Variants in MRC2 observed in about 807,000 individuals in gnomAD.
The protein encoded by MRC2 is C-type mannose receptor 2.
In MRC2, 84 loss-of-function variants were observed where a neutral mutation model predicts 206.2. The ratio of observed to expected loss-of-function variants is 0.41; its 90% confidence interval spans 0.34 to 0.49. The LOEUF (loss-of-function observed/expected upper bound fraction) is 0.49, where lower values mean the gene tolerates loss of function less well. Ranked by LOEUF, MRC2 falls within the 20% of genes least tolerant of loss-of-function variation. The probability of loss-of-function intolerance (pLI) is 0.31; values close to 1 mark genes in which losing one functional copy is unlikely to be tolerated. For synonymous variants in MRC2, 798 were observed against 800.0 expected (o/e 1.00, Z 0.04); for missense variants, 1,676 against 2,001.5 (o/e 0.84, Z 3.10).
At chr17:62,674,873 C>G (rs914663119) in intron 9 of MRC2, among the ~76,000 whole-genome samples, 1 of 152,102 alleles carries the variant, frequency 6.6e-6, no homozygotes, top group South Asian at 2.1e-4. Flanking sequence ...CTTGGCCCCC[C>G]CCAGCAGCCC....
At chr17:62,632,649 T>C (rs1397859867) in intron 1 of MRC2, among the ~76,000 whole-genome samples, 1 of 152,108 alleles carries the variant, frequency 6.6e-6, no homozygotes, top group African/African-American at 2.4e-5. Context: ...TGACCCTTCC[T>C]TCGAGACTCA....
At position 62,633,532 on chromosome 17, in the gene MRC2, T is replaced by A. The variant is rs563035256; in HGVS notation, c.118+5612T>A. Among the ~76,000 whole-genome samples the A allele has an allele frequency of 7.0e-5, 10 of 142,338 alleles. No individual in the cohort carries two copies. In the East Asian group the frequency reaches 1.2e-3, roughly 18 times the overall value. The allele number at this position is 142,338 out of a possible 152,430, so 93.4% of individuals were successfully genotyped here. On this transcript the variant is annotated intron_variant, in intron 1 of 29. Coordinates refer to ENST00000303375, the MANE Select transcript of MRC2 (RefSeq NM_006039.5). ...AAAAAAAAAAAAAAAAGAGAAAACATGACTATCAAGGTTCCCAAATATGAT... is the reference window on the plus strand; with the variant it reads ...AAAAAAAAAAAAAAAAGAGAAAACAAGACTATCAAGGTTCCCAAATATGAT...
At chr17:62,689,161 G>A (rs963759402) in intron 23 of MRC2, among the ~76,000 whole-genome samples, 15 of 152,212 alleles carry the variant, frequency 9.9e-5, no homozygotes, top group African/African-American at 3.6e-4. Context: ...TTGGGGGTAT[G>A]GAGGGCTCGT....
At chr17:62,679,608 T>C (rs2088935164) in intron 13 of MRC2, 192 bp from the exon 14 acceptor site, 3 of 505,028 alleles carry the variant, frequency 5.9e-6, no homozygotes, top group Non-Finnish European at 1.1e-5. Flanking sequence ...TCTCCCCAGC[T>C]CTGTCTTGTG....
intron 1 of MRC2, among the ~76,000 whole-genome samples, chr17:62,635,032 T>C (rs2088294948): frequency 1.3e-5 from 2 of 151,998 alleles, no homozygotes; most frequent in Non-Finnish European, 2.9e-5. Context: ...GGTTTTACCA[T>C]GTTGGCCAGA....
chr17:62,666,057 A>G lies in MRC2; in HGVS notation c.521-37A>G. 6.4e-7 allele frequency: 1 copy of G among 1,550,566 alleles called. No homozygotes were observed. The highest frequency in any genetic ancestry group is 8.7e-7 in the Non-Finnish European group (1 of 1,148,216). On this transcript the variant is annotated intron_variant, in intron 2 of 29. Coordinates refer to ENST00000303375, the MANE Select transcript of MRC2 (RefSeq NM_006039.5). This position sits in a 1 kb window ranked among gnomAD's most constrained non-coding sequence, Gnocchi z 5.0. ...AGGGGCTTGGCAGCCTCTGGTGTCC[A>G]GATGCCAAGGGCCTGGCCCCTGTCC... is the stretch of plus-strand genomic sequence containing the variant.
At position 62,666,486 on chromosome 17, in the gene MRC2, C is replaced by A; in HGVS notation, c.726C>A (p.Asp242Glu). Residue 242 changes from aspartate (D) to glutamate (E), a missense_variant, in exon 4 of 30, where the codon GAC becomes GAA. By Grantham distance (45) the Asp-to-Glu change is conservative. This residue lies in a region of MRC2 where 318 missense variants were observed against 346.7 expected (regional missense o/e 0.92). Transcript: ENST00000303375. This position sits in a 1 kb window ranked among gnomAD's most constrained non-coding sequence, Gnocchi z 5.0. ...ACTGCGAGACCTTCTGGGACAAGGA[C>A]CAGCTGACTGACAGCTGCTACCAGT... ...SNDCETFWDK[D>E]QLTDSCYQFN... 1 of 1,614,026 alleles carries A rather than the reference C, an allele frequency of 6.2e-7. No individual in the cohort carries two copies. Among genetic ancestry groups the A allele is most frequent in the African/African-American group, 1.3e-5 (1 of 75,054 alleles).
chr17:62,647,823 A>G (rs1472360646), intron 1 of MRC2, among the ~76,000 whole-genome samples: 3 of 152,174 alleles, frequency 2.0e-5, no homozygotes, highest in Non-Finnish European at 2.9e-5. Flanking sequence ...TACTCCCATG[A>G]GCTCCCTTTG....
chr17:62,681,960 G>C, intron 19 of MRC2, 23 bp downstream of exon 19: 1 of 1,601,476 alleles, frequency 6.2e-7, no homozygotes. Flanking sequence ...TGGGGGCAGA[G>C]TGCGCAGTCA....
chr17:62,645,439 G>T (rs1031648497), intron 1 of MRC2, among the ~76,000 whole-genome samples: 2 of 132,616 alleles, frequency 1.5e-5, no homozygotes, highest in Admixed American at 8.3e-5. Context: ...ATATACACAC[G>T]TATATAATAT....
chr17:62,666,198 G>A lies in MRC2; in HGVS notation c.625G>A (p.Gly209Ser), dbSNP rs750899491. Reference sequence around the variant, plus strand: ...CTGCACCAGCACGGGCCGCGAGGATGGTCACCTGTGGTGTGCCACCACCCA... The same window carrying A: ...CTGCACCAGCACGGGCCGCGAGGATAGTCACCTGTGGTGTGCCACCACCCA... ...HGCTSTGRED[G>S]HLWCATTQDY... Residue 209 changes from glycine to serine, a missense_variant, in exon 3 of 30, where the codon GGT (glycine) becomes AGT (serine). By Grantham distance (56) the Gly-to-Ser change is moderately conservative. This residue lies in a region of MRC2 where 318 missense variants were observed against 346.7 expected (regional missense o/e 0.92). Coordinates refer to ENST00000303375, the MANE Select transcript of MRC2 (RefSeq NM_006039.5). The surrounding 1 kb of genome is among the most constrained non-coding windows in gnomAD (Gnocchi z 5.0). 6.2e-7 allele frequency: 1 copy of A among 1,603,716 alleles called. No homozygotes were observed. Among genetic ancestry groups the A allele is most frequent in the Non-Finnish European group, 8.5e-7 (1 of 1,175,324 alleles).
Position 62,682,276 on chromosome 17 carries a change from A to G in MRC2, c.2845A>G (p.Ile949Val), listed in dbSNP as rs777376967. Residue 949 changes from isoleucine (I) to valine (V), a missense_variant, in exon 20 of 30, where the codon ATC becomes GTC. Transcript: ENST00000303375. Reference sequence around the variant, plus strand: ...GAGGTGCCTGACAGCCTTGCCCTACATCTGCAAGCGCAGCAACGTCACCAA... The same window carrying G: ...GAGGTGCCTGACAGCCTTGCCCTACGTCTGCAAGCGCAGCAACGTCACCAA... ...DQRCLTALPYICKRSNVTKET... is the reference protein window; with the variant it reads ...DQRCLTALPYVCKRSNVTKET... 15 of 1,603,948 alleles carry G rather than the reference A, an allele frequency of 9.4e-6. No homozygotes were observed. In the East Asian group the frequency reaches 3.1e-4, roughly 34 times the overall value.
chr17:62,650,420 C>G (rs1375322516), intron 1 of MRC2, among the ~76,000 whole-genome samples: 1 of 152,182 alleles, frequency 6.6e-6, no homozygotes, highest in Non-Finnish European at 1.5e-5. Flanking sequence ...CATGCTGCCT[C>G]GACTGGAAAT....
chr17:62,672,748 T>C lies in MRC2; in HGVS notation c.1461+596T>C, dbSNP rs555795893. 1.3e-5 allele frequency among the ~76,000 whole-genome samples: 2 copies of C among 152,226 alleles called. No homozygotes were observed. Among genetic ancestry groups the C allele is most frequent in the Non-Finnish European group, 2.9e-5 (2 of 68,028 alleles). ...GGCTCATGCCTATAATCCCAGCACA[T>C]TGGGAGGCTGAGGCAGGCGGATCAC... On this transcript the variant is annotated intron_variant, in intron 8 of 29. Coordinates refer to ENST00000303375, the MANE Select transcript of MRC2 (RefSeq NM_006039.5). This position sits in a 1 kb window ranked among gnomAD's most constrained non-coding sequence, Gnocchi z 4.5.
chr17:62,672,068 C>T lies in MRC2; in HGVS notation c.1377C>T (p.Ser459=). The T allele has an allele frequency of 1.9e-6, 3 of 1,614,120 alleles. No individual in the cohort carries two copies. Among genetic ancestry groups the T allele is most frequent in the Non-Finnish European group, 2.5e-6 (3 of 1,180,032 alleles). Residue 459 remains serine, a synonymous_variant, in exon 8 of 30, where the codon AGC becomes AGT. Transcript: ENST00000303375. The surrounding 1 kb of genome is among the most constrained non-coding windows in gnomAD (Gnocchi z 4.5). ...TGAATTTTGAGTGGTCTGACGGGAGCCTTGTGAGCTTCACCCACTGGCACC... is the reference window on the plus strand; with the variant it reads ...TGAATTTTGAGTGGTCTGACGGGAGTCTTGTGAGCTTCACCCACTGGCACC... ...LQMNFEWSDG[S]LVSFTHWHPF...
intron 1 of MRC2, among the ~76,000 whole-genome samples, chr17:62,655,243 T>G (rs1388444928): frequency 1.9e-4 from 25 of 132,266 alleles, no homozygotes; most frequent in Middle Eastern, 5.0e-3. Context: ...TGGAGATCGC[T>G]CCACTGCACT....
intron 1 of MRC2, among the ~76,000 whole-genome samples, chr17:62,660,153 C>T (rs2088663653): frequency 6.6e-6 from 1 of 152,104 alleles, no homozygotes; most frequent in African/African-American, 2.4e-5. Flanking sequence ...CAATTAAAAC[C>T]AGACAGAGGT....
At position 62,627,934 on chromosome 17, in the gene MRC2, A is replaced by G. The variant is rs752637533; in HGVS notation, c.118+14A>G. On this transcript the variant is annotated intron_variant, in intron 1 of 29. Coordinates refer to ENST00000303375, the MANE Select transcript of MRC2 (RefSeq NM_006039.5). ...CCGCCCTCCCGGGTAAGGCGCTGCC[A>G]ACTTGGCCAACTTCAGGGCCCGGGC... 3 of 1,412,392 alleles carry G rather than the reference A, an allele frequency of 2.1e-6. No individual in the cohort carries two copies. Among genetic ancestry groups the G allele is most frequent in the South Asian group, 3.0e-5 (2 of 67,114 alleles). The allele number at this position is 1,412,392 out of a possible 1,614,324, so 87.5% of individuals were successfully genotyped here.
Position 62,671,553 on chromosome 17 carries a change from A to C in MRC2, c.1118-96A>C. 1 of 1,142,216 alleles carries C rather than the reference A, an allele frequency of 8.8e-7. No individual in the cohort carries two copies. Among genetic ancestry groups the C allele is most frequent in the South Asian group, 1.8e-5 (1 of 56,324 alleles). 70.8% of individuals were successfully genotyped at this position (1,142,216 alleles called of 1,614,324 possible). A position where few individuals can be genotyped will look rare whatever the true frequency, so the allele number is the denominator to read the frequency against. On this transcript the variant is annotated intron_variant, in intron 6 of 29. Transcript: ENST00000303375. This position sits in a 1 kb window ranked among gnomAD's most constrained non-coding sequence, Gnocchi z 4.5. The stretch of plus-strand genomic sequence containing the variant: ...TCTGGGAGAGTTTGGAGAGGAGGTG[A>C]CTGGGAGGCCTCGCCTGTGTTGACG...
Sources: allele counts gnomAD v4.1 joint callset (sites outside exome capture counted in the v4.1 genomes callset), GRCh38; gene constraint gnomAD v4.1.1; regional missense constraint gnomAD v4.1.1; non-coding constraint Gnocchi (gnomAD v3.1); transcripts MANE v1.5; gene names NCBI Gene and HGNC (gene_info 2026-07-23, HGNC 2026-07-21).